ZNF777: variants seen among roughly 807,000 people sequenced by gnomAD.
ZNF777 encodes zinc finger protein 777.
Under a neutral mutation model 72.1 loss-of-function variants are expected in ZNF777, and 7 were observed. The ratio of observed to expected loss-of-function variants is 0.10; its 90% CI spans 0.06 to 0.18. ZNF777 has a LOEUF of 0.18. Ranked by LOEUF, ZNF777 falls within the 10% of genes least tolerant of loss-of-function variation. The pLI, the probability that ZNF777 is intolerant of heterozygous loss-of-function variation, is 1.00. For synonymous variants in ZNF777, 545 were observed against 483.5 expected (o/e 1.13, Z -1.67); for missense variants, 828 against 1,128.6 (o/e 0.73, Z 3.82).
At chr7:149,459,187 C>T (rs1056815768) in intron 1 of ZNF777, among the ~76,000 whole-genome samples, 4 of 152,278 alleles carry the variant, frequency 2.6e-5, no homozygotes, top group Admixed American at 1.3e-4. Flanking sequence ...TATATCCTGC[C>T]TCCTTCCTGT....
At chr7:149,438,025 A>G (rs1049995754) in intron 4 of ZNF777, among the ~76,000 whole-genome samples, 2 of 151,312 alleles carry the variant, frequency 1.3e-5, no homozygotes, top group Non-Finnish European at 2.9e-5. Flanking sequence ...GATTACAGGC[A>G]CCCGCCACCA....
chr7:149,453,615 C>T (rs1799767126), intron 3 of ZNF777, among the ~76,000 whole-genome samples: 1 of 152,164 alleles, frequency 6.6e-6, no homozygotes. Context: ...AGTGTTCAGG[C>T]ACCTGAATCA....
At chr7:149,441,901 A>T (rs1390860621) in intron 4 of ZNF777, among the ~76,000 whole-genome samples, 1 of 152,074 alleles carries the variant, frequency 6.6e-6, no homozygotes, top group Non-Finnish European at 1.5e-5. Flanking sequence ...ATCTGTGATC[A>T]TAGTGTTTAC....
In ZNF777 at chr7:149,432,343, G is replaced by C; in HGVS notation, c.1929C>G (p.Ser643Arg). ...TCAGGCTGGACTTGTGGCTGAAGCTGCTGTCGCACTCGGGGCACTTGTAGG... is the reference window on the plus strand; with the variant it reads ...TCAGGCTGGACTTGTGGCTGAAGCTCCTGTCGCACTCGGGGCACTTGTAGG... ...PKPYKCPECD[S>R]SFSHKSSLTK... Residue 643 changes from serine to arginine, a missense_variant, in exon 6 of 6, where the codon AGC (serine) becomes AGG (arginine). Physicochemically the swap from Ser to Arg is moderately radical, Grantham distance 110 (BLOSUM62 -1). This residue lies in a region of ZNF777 where 100 missense variants were observed against 106.2 expected (regional missense o/e 0.94). Transcript: ENST00000247930. 1.2e-6 allele frequency: 2 copies of C among 1,610,232 alleles called. No homozygotes were observed. The highest frequency in any genetic ancestry group is 1.7e-6 in the Non-Finnish European group (2 of 1,178,848).
intron 5 of ZNF777, among the ~76,000 whole-genome samples, chr7:149,434,638 A>G (rs559354090): frequency 6.6e-6 from 1 of 152,276 alleles, no homozygotes; most frequent in South Asian, 2.1e-4. Context: ...GCTGGAGTGC[A>G]GTGGCACGAT....
rs1171218358 is a variant in ZNF777 at position 149,432,801 on chromosome 7, G to A, written c.1471C>T (p.Leu491=). The change falls in exon 6 of 6, where the codon CTG becomes TTG. Residue 491 remains leucine, a synonymous_variant. Transcript: ENST00000247930. ...CCCTCGGGGGACATCTCCCCGGGCA[G>A]CGGGGTCTGGTACATACTGGCCTCA... is the stretch of plus-strand genomic sequence containing the variant. The part of the protein sequence containing the change: ...RYEASMYQTP[L]PGEMSPEGEE... The A allele has an allele frequency of 6.2e-7, 1 of 1,607,776 alleles. No individual in the cohort carries two copies. Among genetic ancestry groups the A allele is most frequent in the Non-Finnish European group, 8.5e-7 (1 of 1,175,780 alleles).
At chr7:149,444,091 A>G (rs1026027119) in intron 4 of ZNF777, among the ~76,000 whole-genome samples, 1 of 152,182 alleles carries the variant, frequency 6.6e-6, no homozygotes, top group Non-Finnish European at 1.5e-5. Flanking sequence ...GGTCAGAACC[A>G]TCTCCTCCGA....
intron 4 of ZNF777, among the ~76,000 whole-genome samples, chr7:149,444,629 T>C (rs1261173462): frequency 6.6e-6 from 1 of 152,272 alleles, no homozygotes; most frequent in Admixed American, 6.5e-5. Context: ...GTTTCACTCA[T>C]ATTTAATCGA....
intron 4 of ZNF777, among the ~76,000 whole-genome samples, chr7:149,437,223 A>G (rs1023398833): frequency 6.6e-6 from 1 of 152,120 alleles, no homozygotes; most frequent in East Asian, 1.9e-4. Context: ...TGATCCTCCC[A>G]TCTCAGCCTC....
chr7:149,434,526 T>C (rs1309659138), intron 5 of ZNF777, among the ~76,000 whole-genome samples: 1 of 152,146 alleles, frequency 6.6e-6, no homozygotes, highest in East Asian at 1.9e-4. Context: ...AAGGGGAAAA[T>C]AGATCCTGAG....
chr7:149,442,207 ACT>A lies in ZNF777; in HGVS notation c.1088-5383_1088-5382del, dbSNP rs1339516414. ...ACTCCAGCTTGGGCGACAGAGTGAG[ACT>A]CTGTCTCAAAAAAAAAAAAAAAAAA... On this transcript the variant is annotated intron_variant, in intron 4 of 5. Transcript: ENST00000247930. 4.1e-5 allele frequency among the ~76,000 whole-genome samples: 5 copies of A among 122,300 alleles called. No homozygotes were observed. In the Admixed American group the frequency reaches 4.2e-4, roughly 10 times the overall value. The allele number at this position is 122,300 out of a possible 152,430, so 80.2% of individuals were successfully genotyped here.
rs1461022688 is a variant in ZNF777 at position 149,460,713 on chromosome 7, G to T, written c.-16+102C>A. The T allele has an allele frequency of 2.0e-5, 3 of 152,118 alleles. No individual in the cohort carries two copies. The highest frequency in any genetic ancestry group is 4.8e-5 in the African/African-American group (2 of 41,402). The allele number at this position is 152,118 out of a possible 1,614,324, so 9.4% of individuals were successfully genotyped here. ...AGGAGCGAACAGTGTCGAGCGAGCC[G>T]CCCGGCGGCGACGGACACGCCCTGA... On this transcript the variant is annotated intron_variant, in intron 1 of 5. Transcript: ENST00000247930. This position sits in a 1 kb window ranked among gnomAD's most constrained non-coding sequence, Gnocchi z 6.1.
chr7:149,439,888 A>G (rs1170716165), intron 4 of ZNF777, among the ~76,000 whole-genome samples: 1 of 152,228 alleles, frequency 6.6e-6, no homozygotes, highest in Admixed American at 6.5e-5. Flanking sequence ...AAGGATGAAT[A>G]GAAATTTTTT....
chr7:149,455,090 C>G lies in ZNF777; in HGVS notation c.846+87G>C. On this transcript the variant is annotated intron_variant, in intron 2 of 5. Coordinates refer to ENST00000247930, the MANE Select transcript of ZNF777 (RefSeq NM_015694.3). The surrounding 1 kb of genome is among the most constrained non-coding windows in gnomAD (Gnocchi z 4.2). ...ACTGTATTTTTTCCTTTATCAACCA[C>G]CCCTTTCTTTCATATTACACTACAT... 6.8e-7 allele frequency: 1 copy of G among 1,473,182 alleles called. No individual in the cohort carries two copies. Among genetic ancestry groups the G allele is most frequent in the Non-Finnish European group, 9.1e-7 (1 of 1,097,134 alleles). 91.3% of individuals were successfully genotyped at this position (1,473,182 alleles called of 1,614,324 possible).
Position 149,443,323 on chromosome 7 carries a change from A to G in ZNF777, c.1088-6497T>C, listed in dbSNP as rs973515045. Among the ~76,000 whole-genome samples, 15 of 152,250 alleles carry G rather than the reference A, an allele frequency of 9.9e-5. No homozygotes were observed. The East Asian group carries it at 2.9e-3, about 29-fold the overall frequency. On this transcript the variant is annotated intron_variant, in intron 4 of 5. Transcript: ENST00000247930. Reference sequence around the variant, plus strand: ...TGATTTTTTTACAATGATAATGTGTATATGTATTACTTATATAATTAAGGC... The same window carrying G: ...TGATTTTTTTACAATGATAATGTGTGTATGTATTACTTATATAATTAAGGC...
intron 4 of ZNF777, among the ~76,000 whole-genome samples, chr7:149,444,090 C>T (rs1356640647): frequency 6.6e-6 from 1 of 152,148 alleles, no homozygotes; most frequent in Non-Finnish European, 1.5e-5. Flanking sequence ...CGGTCAGAAC[C>T]ATCTCCTCCG....
rs1362807042 is a variant in ZNF777, at chr7:149,458,556, T to G, written c.-16+2259A>C. ...CAAAACAAAACAAAACCCTCCAGTATAGTAAACAGAGCCAGCAGACCAAGG... is the reference window on the plus strand; with the variant it reads ...CAAAACAAAACAAAACCCTCCAGTAGAGTAAACAGAGCCAGCAGACCAAGG... On this transcript the variant is annotated intron_variant, in intron 1 of 5. Transcript: ENST00000247930. Among the ~76,000 whole-genome samples the G allele has an allele frequency of 5.9e-5, 8 of 136,108 alleles. No homozygotes were observed. In the East Asian group the frequency reaches 1.8e-3, roughly 30 times the overall value. 89.3% of individuals were successfully genotyped at this position (136,108 alleles called of 152,430 possible).
intron 4 of ZNF777, among the ~76,000 whole-genome samples, chr7:149,450,330 G>A (rs1799690327): frequency 6.6e-6 from 1 of 152,204 alleles, no homozygotes; most frequent in African/African-American, 2.4e-5. Flanking sequence ...TGTATACTGA[G>A]CCACTGCTAT....
chr7:149,442,437 G>C (rs1262015723), intron 4 of ZNF777, among the ~76,000 whole-genome samples: 1 of 151,366 alleles, frequency 6.6e-6, no homozygotes, highest in Non-Finnish European at 1.5e-5. Context: ...GGCCAAAATG[G>C]TGAAACTCCG....
Sources: gnomAD v4.1 joint callset for allele counts (sites outside exome capture counted in the v4.1 genomes callset) on GRCh38, gnomAD v4.1.1 for gene constraint, gnomAD v4.1.1 regional missense constraint, Gnocchi (gnomAD v3.1) non-coding constraint, MANE v1.5 for transcripts, NCBI Gene and HGNC (gene_info 2026-07-23, HGNC 2026-07-21) for gene names.